The following HS6ST3 variants were observed in gnomAD, a reference collection of about 807,000 sequenced individuals.
HS6ST3 encodes heparan sulfate 6-O-sulfotransferase 3.
A neutral mutation model predicts 36.7 loss-of-function variants in HS6ST3; 12 were observed. The observed-to-expected ratio is 0.33, with a 90% CI of 0.21 to 0.53. The LOEUF (loss-of-function observed/expected upper bound fraction) is 0.53. HS6ST3 is among the 20% of genes least tolerant of loss of function. The pLI, the probability that HS6ST3 is intolerant of heterozygous loss-of-function variation, is 0.95. For synonymous variants in HS6ST3, 240 were observed against 257.5 expected, an observed-to-expected ratio of 0.93 and a Z score of 0.65; for missense variants, 584 against 640.9, an observed-to-expected ratio of 0.91 and a Z score of 0.96.
intron 1 of HS6ST3, among the ~76,000 whole-genome samples, chr13:96,389,142 C>CTATATACTAGACTTG (rs1198024563): frequency 6.6e-6 from 1 of 152,118 alleles, no homozygotes; most frequent in African/African-American, 2.4e-5. Flanking sequence ...ACTAGACTTG[C>CTATATACTAGACTTG]TATATACTAG....
At chr13:96,140,997 GA>G (rs2054029412) in intron 1 of HS6ST3, among the ~76,000 whole-genome samples, 1 of 152,118 alleles carries the variant, frequency 6.6e-6, no homozygotes, top group Non-Finnish European at 1.5e-5. Context: ...ATTTTCCGAA[GA>G]AAATCATCAA....
intron 1 of HS6ST3, among the ~76,000 whole-genome samples, chr13:96,169,259 A>ATT (rs5805953): frequency 6.7e-4 from 101 of 149,666 alleles, no homozygotes; most frequent in East Asian, 2.4e-3. Context: ...CCAGTGTGGC[A>ATT]TTTTTTTTTT....
At chr13:96,678,692 A>T (rs982726120) in intron 1 of HS6ST3, among the ~76,000 whole-genome samples, 5 of 152,020 alleles carry the variant, frequency 3.3e-5, no homozygotes, top group African/African-American at 4.8e-5. Context: ...AAAAAAAAAC[A>T]AAACTAAACT....
intron 1 of HS6ST3, among the ~76,000 whole-genome samples, chr13:96,526,324 C>T (rs953731766): frequency 6.6e-6 from 1 of 152,132 alleles, no homozygotes; most frequent in Non-Finnish European, 1.5e-5. Context: ...AAGTGGGTAG[C>T]ATGATCAGAA....
At chr13:96,095,570 C>G (rs1467894419) in intron 1 of HS6ST3, among the ~76,000 whole-genome samples, 1 of 152,184 alleles carries the variant, frequency 6.6e-6, no homozygotes, top group Non-Finnish European at 1.5e-5. Context: ...GAGGTGGTTT[C>G]AGGAATGACT....
chr13:96,332,856 C>T (rs532117090), intron 1 of HS6ST3, among the ~76,000 whole-genome samples: 4 of 152,298 alleles, frequency 2.6e-5, no homozygotes, highest in African/African-American at 9.6e-5. Flanking sequence ...GAAAGTTAAT[C>T]ACCAATGTGA....
intron 1 of HS6ST3, among the ~76,000 whole-genome samples, chr13:96,716,508 G>GTCTC (rs2138465191): frequency 6.6e-6 from 1 of 152,174 alleles, no homozygotes; most frequent in South Asian, 2.1e-4. Context: ...ATGTCACTAA[G>GTCTC]TAATTGCAAC....
chr13:96,495,830 A>T (rs541242078), intron 1 of HS6ST3, among the ~76,000 whole-genome samples: 7 of 152,000 alleles, frequency 4.6e-5, no homozygotes, highest in East Asian at 3.9e-4. Flanking sequence ...AAAACATCAT[A>T]AAAAAAATAC....
At chr13:96,317,874 G>T (rs2054983884) in intron 1 of HS6ST3, among the ~76,000 whole-genome samples, 1 of 151,826 alleles carries the variant, frequency 6.6e-6, no homozygotes, top group Non-Finnish European at 1.5e-5. Flanking sequence ...TTTAAGATGT[G>T]TCTGTTCATG....
chr13:96,456,034 A>G (rs374265167), intron 1 of HS6ST3, among the ~76,000 whole-genome samples: 8 of 152,214 alleles, frequency 5.3e-5, no homozygotes, highest in Admixed American at 3.9e-4. Flanking sequence ...TGAAGAGTCA[A>G]TTTCATTGAG....
chr13:96,125,926 C>T (rs2053948558), intron 1 of HS6ST3, among the ~76,000 whole-genome samples: 1 of 151,878 alleles, frequency 6.6e-6, no homozygotes, highest in African/African-American at 2.4e-5. Context: ...GCTATCCCTC[C>T]CCACTCCCCC....
intron 1 of HS6ST3, among the ~76,000 whole-genome samples, chr13:96,203,485 G>T (rs1014772950): frequency 6.6e-6 from 1 of 152,148 alleles, no homozygotes; most frequent in South Asian, 2.1e-4. Flanking sequence ...ATGGATTCTG[G>T]GGGGACATAA....
At position 96,799,994 on chromosome 13, in the gene HS6ST3, A is replaced by ATGTATATATATATACG. The variant is rs1306410156; in HGVS notation, c.708-32495_708-32494insGTATATATATATACGT. Among the ~76,000 whole-genome samples the ATGTATATATATATACG allele has an allele frequency of 1.2e-3, 137 of 114,454 alleles. 4 individuals carry two copies. Among genetic ancestry groups the ATGTATATATATATACG allele is most frequent in the Non-Finnish European group, 2.0e-3 (117 of 59,972 alleles). 75.1% of individuals were successfully genotyped at this position (114,454 alleles called of 152,430 possible). On this transcript the variant is annotated intron_variant, in intron 1 of 1. Transcript: ENST00000376705. ...TATATATATATATGTATATATATAT[A>ATGTATATATATATACG]TATGTATATATATATATATGTATAT...
At chr13:96,748,717 T>A (rs987466993) in intron 1 of HS6ST3, among the ~76,000 whole-genome samples, 1 of 152,064 alleles carries the variant, frequency 6.6e-6, no homozygotes, top group Non-Finnish European at 1.5e-5. Flanking sequence ...CTTGAGTCCC[T>A]AAATGAGTGA....
At chr13:96,673,945 G>T (rs1042964531) in intron 1 of HS6ST3, among the ~76,000 whole-genome samples, 1 of 151,880 alleles carries the variant, frequency 6.6e-6, no homozygotes. Flanking sequence ...TGAGAAGATT[G>T]CTTCAAATGT....
At chr13:96,357,741 C>G (rs2055217048) in intron 1 of HS6ST3, among the ~76,000 whole-genome samples, 1 of 152,034 alleles carries the variant, frequency 6.6e-6, no homozygotes, top group Non-Finnish European at 1.5e-5. Flanking sequence ...AGGCTGGTCT[C>G]AAACTCCTGG....
chr13:96,490,111 T>C (rs1352405043), intron 1 of HS6ST3, among the ~76,000 whole-genome samples: 1 of 152,168 alleles, frequency 6.6e-6, no homozygotes, highest in Non-Finnish European at 1.5e-5. Context: ...TTCTTTCAGT[T>C]TTATAGGCAA....
intron 1 of HS6ST3, among the ~76,000 whole-genome samples, chr13:96,771,181 C>A (rs528147808): frequency 1.7e-4 from 26 of 149,182 alleles, no homozygotes; most frequent in Admixed American, 1.3e-3. Context: ...CCAAAAAAAC[C>A]AACACCGCAT....
intron 1 of HS6ST3, among the ~76,000 whole-genome samples, chr13:96,681,104 A>G (rs1003940616): frequency 1.3e-5 from 2 of 152,206 alleles, no homozygotes; most frequent in African/African-American, 4.8e-5. Context: ...CTGTGCTTAT[A>G]GGGGTTCTCC....
Sources: gnomAD v4.1 joint callset for allele counts (sites outside exome capture counted in the v4.1 genomes callset) on GRCh38, gnomAD v4.1.1 for gene constraint, MANE v1.5 for transcripts, NCBI Gene and HGNC (gene_info 2026-07-23, HGNC 2026-07-21) for gene names.